MEGF6: variants seen among roughly 807,000 people sequenced by gnomAD.
MEGF6 encodes multiple epidermal growth factor-like domains protein 6.
Under a neutral mutation model 207.1 loss-of-function variants are expected in MEGF6, and 184 were observed. That is an observed-to-expected ratio of 0.89 (90% CI 0.79 to 1.00). The LOEUF (loss-of-function observed/expected upper bound fraction) is 1.00. Ranked by LOEUF, MEGF6 falls within the 50% of genes least tolerant of loss-of-function variation. MEGF6 has a pLI of 0.00. For synonymous variants in MEGF6, 1,038 were observed against 910.0 expected (o/e 1.14, Z -2.53); for missense variants, 2,282 against 2,202.9 (o/e 1.04, Z -0.72).
chr1:3,516,428 C>T (rs531606377), intron 5 of MEGF6, among the ~76,000 whole-genome samples: 27 of 152,356 alleles, frequency 1.8e-4, no homozygotes, highest in African/African-American at 5.8e-4. Flanking sequence ...TGCCTGTGCC[C>T]GGGCAGGGGA....
At chr1:3,534,474 C>A (rs752166950) in intron 4 of MEGF6, among the ~76,000 whole-genome samples, 1 of 152,174 alleles carries the variant, frequency 6.6e-6, no homozygotes, top group African/African-American at 2.4e-5. Context: ...AGGCCCCAGG[C>A]GAGCTGTGGA....
Position 3,495,068 on chromosome 1 carries a change from G to C in MEGF6, c.3872-327C>G, listed in dbSNP as rs1640543870. Among the ~76,000 whole-genome samples, 4 of 152,212 alleles carry C rather than the reference G, an allele frequency of 2.6e-5. No individual in the cohort carries two copies. In the South Asian group the frequency reaches 8.3e-4, roughly 32 times the overall value. ...GGCAGCGGCCCACTGTGAACCAGCTGTCTCCCGCTTGGGAGTGAAGGCACA... is the reference window on the plus strand; with the variant it reads ...GGCAGCGGCCCACTGTGAACCAGCTCTCTCCCGCTTGGGAGTGAAGGCACA... On this transcript the variant is annotated intron_variant, in intron 30 of 36. Transcript: ENST00000356575.
At chr1:3,543,646 C>T (rs1160284584) in intron 4 of MEGF6, among the ~76,000 whole-genome samples, 1 of 152,214 alleles carries the variant, frequency 6.6e-6, no homozygotes, top group East Asian at 1.9e-4. Context: ...AGTCTGTGGC[C>T]CGGTCCCTGG....
intron 3 of MEGF6, 148 bp from the exon 4 acceptor site, chr1:3,580,077 G>C: frequency 1.7e-6 from 1 of 574,392 alleles, no homozygotes; most frequent in Non-Finnish European, 3.0e-6. Context: ...ACATTGCCCG[G>C]CCACCAATGG....
intron 21 of MEGF6, 106 bp from the exon 22 acceptor site, chr1:3,500,030 C>T (rs574268655): frequency 1.4e-6 from 2 of 1,412,984 alleles, no homozygotes; most frequent in South Asian, 1.5e-5. Flanking sequence ...AGGCCTGGCT[C>T]ATGAGAAGCC....
intron 9 of MEGF6, among the ~76,000 whole-genome samples, chr1:3,511,134 C>T (rs534265157): frequency 5.1e-4 from 77 of 152,372 alleles, no homozygotes; most frequent in African/African-American, 1.8e-3. Context: ...TGTGCACACA[C>T]AGGACACATG....
At chr1:3,518,093 ACT>A (rs1211744773) in intron 5 of MEGF6, among the ~76,000 whole-genome samples, 5 of 152,132 alleles carry the variant, frequency 3.3e-5, no homozygotes, top group Non-Finnish European at 7.3e-5. Flanking sequence ...GTTGGGGGAC[ACT>A]CTGTTATGAA....
chr1:3,540,573 C>T (rs1452830639), intron 4 of MEGF6, among the ~76,000 whole-genome samples: 1 of 152,244 alleles, frequency 6.6e-6, no homozygotes, highest in East Asian at 1.9e-4. Context: ...CTTGTTCACT[C>T]CTGCTGCTCC....
At chr1:3,601,933 C>T (rs924786497) in intron 2 of MEGF6, among the ~76,000 whole-genome samples, 5 of 152,362 alleles carry the variant, frequency 3.3e-5, no homozygotes, top group Middle Eastern at 6.8e-3. Context: ...CACAGACACA[C>T]GGAAACTCTC....
chr1:3,599,857 G>A (rs1416472073), intron 2 of MEGF6, among the ~76,000 whole-genome samples: 3 of 152,184 alleles, frequency 2.0e-5, no homozygotes, highest in Non-Finnish European at 2.9e-5. Context: ...TCTGTGCCCC[G>A]TTTCTGGGCT....
rs1188407581 is a variant in MEGF6, at chr1:3,488,702, G to A, written c.*1826C>T. On this transcript the variant is annotated 3_prime_UTR_variant, in exon 37 of 37. Coordinates refer to ENST00000356575, the MANE Select transcript of MEGF6 (RefSeq NM_001409.4). ...GAACATCACAGTTTTCTGGCTCTCC[G>A]TGTTTCTCACGTATAGTCTGAGGTC... Among the ~76,000 whole-genome samples, 1 of 152,190 alleles carries A rather than the reference G, an allele frequency of 6.6e-6. No individual in the cohort carries two copies. The highest frequency in any genetic ancestry group is 6.5e-5 in the Admixed American group (1 of 15,280).
chr1:3,508,542 T>C lies in MEGF6; in HGVS notation c.1660+16A>G. 6.2e-7 allele frequency: 1 copy of C among 1,609,474 alleles called. No homozygotes were observed. The highest frequency in any genetic ancestry group is 1.7e-4 in the Middle Eastern group (1 of 5,964). ...AGGCCCCTTCCCAGCCCCCAGCCCC[T>C]GCCCAGCTGCCTCACTCTCATTGCA... On this transcript the variant is annotated intron_variant, in intron 13 of 36. Coordinates refer to ENST00000356575, the MANE Select transcript of MEGF6 (RefSeq NM_001409.4).
intron 4 of MEGF6, among the ~76,000 whole-genome samples, chr1:3,524,770 C>T (rs954958520): frequency 6.6e-6 from 1 of 152,188 alleles, no homozygotes; most frequent in Non-Finnish European, 1.5e-5. Flanking sequence ...TGTCTGGAAA[C>T]AGGGTCTTGG....
At chr1:3,524,277 G>A (rs1242500483) in intron 4 of MEGF6, 31 bp from the exon 5 acceptor site, 2 of 1,596,138 alleles carry the variant, frequency 1.3e-6, no homozygotes, top group Middle Eastern at 1.7e-4. Flanking sequence ...ATCAGCAGCT[G>A]GGCACCTGTG....
chr1:3,506,314 G>A (rs952967111), intron 14 of MEGF6, 78 bp from the exon 15 acceptor site: 252 of 1,523,134 alleles, frequency 1.7e-4, no homozygotes, highest in Non-Finnish European at 1.9e-4. Flanking sequence ...GGTAGGATGC[G>A]CGGGGGCCCA....
rs562044826 is a variant in MEGF6 at position 3,581,449 on chromosome 1, C to T, written c.377-1520G>A. Among the ~76,000 whole-genome samples, 13 of 152,264 alleles carry T rather than the reference C, an allele frequency of 8.5e-5. No homozygotes were observed. In the South Asian group the frequency reaches 2.7e-3, roughly 32 times the overall value. ...GGGGGCCAGGGGGCTGCAGGGAAGC[C>T]GGATGGAAGTTGCCATGACCCTGGA... On this transcript the variant is annotated intron_variant, in intron 3 of 36. Transcript: ENST00000356575.
intron 1 of MEGF6, among the ~76,000 whole-genome samples, chr1:3,605,825 C>T (rs1049060407): frequency 2.6e-5 from 4 of 152,240 alleles, no homozygotes; most frequent in Non-Finnish European, 5.9e-5. Flanking sequence ...GGAAGAGGCA[C>T]TGGGGTGTGG....
intron 2 of MEGF6, among the ~76,000 whole-genome samples, chr1:3,597,419 T>A (rs36017484): frequency 6.6e-6 from 1 of 152,166 alleles, no homozygotes; most frequent in African/African-American, 2.4e-5. Flanking sequence ...CTGTGCCACC[T>A]GCCCACCCTG....
At chr1:3,546,413 G>C (rs975063253) in intron 4 of MEGF6, among the ~76,000 whole-genome samples, 1 of 152,228 alleles carries the variant, frequency 6.6e-6, no homozygotes, top group African/African-American at 2.4e-5. Flanking sequence ...CCAACACCAG[G>C]TCCTCTGAGT....
Sources: gnomAD v4.1 joint callset for allele counts (sites outside exome capture counted in the v4.1 genomes callset) on GRCh38, gnomAD v4.1.1 for gene constraint, MANE v1.5 for transcripts, NCBI Gene and HGNC (gene_info 2026-07-23, HGNC 2026-07-21) for gene names.